CELF2: variants seen among roughly 807,000 people sequenced by gnomAD.
CELF2 encodes the protein CUG triplet repeat RNA-binding protein 2.
Under a neutral mutation model 62.6 loss-of-function variants are expected in CELF2, and 8 were observed. The ratio of observed to expected loss-of-function variants is 0.13; its 90% confidence interval spans 0.07 to 0.23. CELF2 has a LOEUF of 0.23. Among genes scored for constraint, CELF2 ranks in the 10% least tolerant of loss-of-function variants. The probability of loss-of-function intolerance (pLI) is 1.00; values close to 1 mark genes in which losing one functional copy is unlikely to be tolerated. For missense variants in CELF2, 333 were observed against 671.0 expected (o/e 0.50, Z 5.56); for synonymous variants, 258 against 250.0 (o/e 1.03, Z -0.30).
chr10:10,745,122 A>C, the CELF2 span, among the ~76,000 whole-genome samples: 248 of 84,950 alleles, frequency 2.9e-3, 1 homozygote, highest in African/African-American at 9.6e-3. Context: ...GTAAAAAAAA[A>C]AAAAACAAAA....
At chr10:11,195,034 G>T (rs1410576088) in intron 2 of CELF2, among the ~76,000 whole-genome samples, 1 of 152,204 alleles carries the variant, frequency 6.6e-6, no homozygotes, top group African/African-American at 2.4e-5. Context: ...AGCAGAGACA[G>T]TAATGTCTTT....
chr10:10,909,400 G>C (rs556125279), intron 1 of CELF2, among the ~76,000 whole-genome samples: 16 of 152,288 alleles, frequency 1.1e-4, no homozygotes, highest in Non-Finnish European at 2.1e-4. Flanking sequence ...AGGGGCTAGG[G>C]TATCTTATCT....
At chr10:11,034,779 A>C (rs2060695305) in intron 1 of CELF2, among the ~76,000 whole-genome samples, 2 of 152,150 alleles carry the variant, frequency 1.3e-5, no homozygotes, top group African/African-American at 2.4e-5. Flanking sequence ...ATTTTTATCG[A>C]GCCTGTCCTT....
chr10:11,174,687 A>G (rs2070352532), intron 2 of CELF2, among the ~76,000 whole-genome samples: 1 of 152,240 alleles, frequency 6.6e-6, no homozygotes, highest in Non-Finnish European at 1.5e-5. Flanking sequence ...TTGCTTATGT[A>G]GGACAAATTC....
chr10:10,584,608 C>T, the CELF2 span, among the ~76,000 whole-genome samples: 6 of 152,180 alleles, frequency 3.9e-5, no homozygotes, highest in Admixed American at 2.0e-4. Context: ...TTTAACAGCC[C>T]TGTTTCTCCA....
At chr10:10,714,356 A>G in the CELF2 span, among the ~76,000 whole-genome samples, 1 of 152,228 alleles carries the variant, frequency 6.6e-6, no homozygotes, top group Non-Finnish European at 1.5e-5. Context: ...AATGCAGTGC[A>G]ATTACTAGTA....
upstream of CELF2, chr10:10,796,981 T>A (rs2054175083): frequency 1.5e-6 from 1 of 645,966 alleles, no homozygotes; most frequent in African/African-American, 2.0e-5. Context: ...TTAGGGAAAG[T>A]ATCCATGACT....
intron 1 of CELF2, chr10:11,071,798 A>C (rs1315831977): frequency 6.6e-6 from 1 of 152,202 alleles, no homozygotes; most frequent in Non-Finnish European, 1.5e-5. Context: ...TTATAATCTC[A>C]GTTCTTCTTA....
At chr10:10,925,476 G>T (rs561502263) in intron 2 of CELF2, among the ~76,000 whole-genome samples, 1 of 151,934 alleles carries the variant, frequency 6.6e-6, no homozygotes, top group Non-Finnish European at 1.5e-5. Flanking sequence ...GAAAACAGAC[G>T]GACACCATCT....
chr10:10,499,170 G>A, the CELF2 span, among the ~76,000 whole-genome samples: 3 of 151,302 alleles, frequency 2.0e-5, no homozygotes, highest in East Asian at 2.0e-4. Context: ...GGGTTCAAGC[G>A]ATTCTTGTGC....
chr10:11,149,629 G>A (rs946689585), intron 1 of CELF2, among the ~76,000 whole-genome samples: 8 of 152,204 alleles, frequency 5.3e-5, no homozygotes, highest in Admixed American at 5.2e-4. Flanking sequence ...TCTTACTGCT[G>A]CATCTCCCGT....
At chr10:11,111,551 T>A (rs933362912) in intron 1 of CELF2, among the ~76,000 whole-genome samples, 22 of 151,714 alleles carry the variant, frequency 1.5e-4, no homozygotes, top group Non-Finnish European at 5.9e-5. Flanking sequence ...TTTATGTTTC[T>A]TTTTTTTTCC....
At chr10:10,962,895 A>G (rs530510329) in intron 2 of CELF2, among the ~76,000 whole-genome samples, 1 of 152,340 alleles carries the variant, frequency 6.6e-6, no homozygotes, top group African/African-American at 2.4e-5. Context: ...GCCATTTTCC[A>G]TAGTGACCAT....
intron 1 of CELF2, among the ~76,000 whole-genome samples, chr10:10,887,932 C>T (rs765198043): frequency 2.8e-4 from 42 of 152,232 alleles, no homozygotes; most frequent in African/African-American, 9.1e-4. Context: ...CCACCACACG[C>T]GGCTAATTTT....
chr10:10,954,702 C>T (rs2048715281), intron 2 of CELF2, among the ~76,000 whole-genome samples: 1 of 152,176 alleles, frequency 6.6e-6, no homozygotes, highest in Admixed American at 6.5e-5. Context: ...TAGAAAACAT[C>T]CTCAACACCT....
At chr10:10,906,611 T>A (rs1312457393) in intron 1 of CELF2, among the ~76,000 whole-genome samples, 1 of 152,132 alleles carries the variant, frequency 6.6e-6, no homozygotes, top group Middle Eastern at 3.2e-3. Flanking sequence ...GGGTTCTTAG[T>A]TTTGATGCTA....
chr10:10,514,319 A>T, the CELF2 span, among the ~76,000 whole-genome samples: 43 of 152,304 alleles, frequency 2.8e-4, no homozygotes, highest in African/African-American at 9.9e-4. Flanking sequence ...TTTTTAAATC[A>T]GTTGGCCAAG....
intron 7 of CELF2, among the ~76,000 whole-genome samples, chr10:11,273,775 G>T (rs2084841060): frequency 6.6e-6 from 1 of 151,112 alleles, no homozygotes; most frequent in Non-Finnish European, 1.5e-5. Context: ...AGGTTGGAGT[G>T]CTGTGGCACC....
rs527761902 is a variant in CELF2, at chr10:11,141,696, A to G, written c.75-23790A>G. Among the ~76,000 whole-genome samples the G allele has an allele frequency of 2.6e-5, 4 of 152,354 alleles. No homozygotes were observed. In the South Asian group the frequency reaches 8.3e-4, roughly 32 times the overall value. The stretch of plus-strand genomic sequence containing the variant: ...CTAATCAATCATTGCATGTTTATTT[A>G]GTTCCTGTTTCATGGTGATGTGCCT... On this transcript the variant is annotated intron_variant, in intron 1 of 12. Transcript: ENST00000633077.
Sources: gnomAD v4.1 joint callset for allele counts (sites outside exome capture counted in the v4.1 genomes callset) on GRCh38, gnomAD v4.1.1 for gene constraint, MANE v1.5 for transcripts, NCBI Gene and HGNC (gene_info 2026-07-23, HGNC 2026-07-21) for gene names.